FGF12: variants seen among roughly 807,000 people sequenced by gnomAD.
FGF12 encodes the protein fibroblast growth factor 12.
A neutral mutation model predicts 23.6 loss-of-function variants in FGF12; 14 were observed. The ratio of observed to expected loss-of-function variants is 0.59; its 90% CI spans 0.39 to 0.93. The LOEUF (loss-of-function observed/expected upper bound fraction) is 0.93, where lower values mean the gene tolerates loss of function less well. FGF12 is among the 40% of genes least tolerant of loss of function. The pLI is 0.00. For synonymous variants in FGF12, 62 were observed against 77.3 expected (o/e 0.80, Z 1.04); for missense variants, 175 against 217.8 (o/e 0.80, Z 1.24).
intron 2 of FGF12, among the ~76,000 whole-genome samples, chr3:192,551,207 C>G (rs1008309350): frequency 6.6e-6 from 1 of 152,136 alleles, no homozygotes; most frequent in African/African-American, 2.4e-5. Context: ...GCTTTCTACC[C>G]GGGGTCACTT....
chr3:192,178,789 C>A (rs557889018), intron 4 of FGF12, among the ~76,000 whole-genome samples: 5 of 152,304 alleles, frequency 3.3e-5, no homozygotes, highest in African/African-American at 1.2e-4. Flanking sequence ...TAAGCCACTG[C>A]GCCAGGTCTA....
intron 2 of FGF12, among the ~76,000 whole-genome samples, chr3:192,506,556 G>C (rs1724305516): frequency 6.6e-6 from 1 of 152,066 alleles, no homozygotes; most frequent in African/African-American, 2.4e-5. Context: ...ATTTTTAGTA[G>C]AGATGGGGTT....
intron 2 of FGF12, among the ~76,000 whole-genome samples, chr3:192,713,698 G>T (rs766058363): frequency 6.6e-6 from 1 of 152,186 alleles, no homozygotes; most frequent in Non-Finnish European, 1.5e-5. Context: ...ATGGTTATTA[G>T]ATGAAAATCA....
chr3:192,167,692 AG>A (rs1715245853), intron 5 of FGF12, among the ~76,000 whole-genome samples: 1 of 138,578 alleles, frequency 7.2e-6, no homozygotes, highest in Non-Finnish European at 1.5e-5. Context: ...GATTAACCAA[AG>A]TACAGATAGC....
chr3:192,265,635 A>C (rs1713032707), intron 4 of FGF12, among the ~76,000 whole-genome samples: 1 of 152,092 alleles, frequency 6.6e-6, no homozygotes, highest in Non-Finnish European at 1.5e-5. Flanking sequence ...TTCAATATCT[A>C]TAAATGAGTT....
chr3:192,172,690 T>C (rs925358814), intron 4 of FGF12, among the ~76,000 whole-genome samples: 6 of 150,212 alleles, frequency 4.0e-5, no homozygotes, highest in Admixed American at 1.3e-4. Flanking sequence ...ACATTGCTGG[T>C]GGAAATGTAA....
rs747299863 is a variant in FGF12, at chr3:192,298,029, G to A, written c.228+37332C>T. 1.1e-4 allele frequency among the ~76,000 whole-genome samples: 16 copies of A among 152,128 alleles called. 1 individual carries two copies. The highest frequency in any genetic ancestry group is 4.1e-4 in the South Asian group (2 of 4,832). On this transcript the variant is annotated intron_variant, in intron 4 of 5. Transcript: ENST00000445105. ...GCTATTACAATATTAGACCATTAGC[G>A]CTGTGGTGGCAAGCACAAGTTCACT...
At chr3:192,420,830 G>C (rs1576969191) in intron 2 of FGF12, among the ~76,000 whole-genome samples, 1 of 152,058 alleles carries the variant, frequency 6.6e-6, no homozygotes, top group South Asian at 2.1e-4. Flanking sequence ...TTGGCAAAAA[G>C]AAAGAAATAC....
rs144265000 is a variant in FGF12 at position 192,576,926 on chromosome 3, T to A, written c.13+150255A>T. Among the ~76,000 whole-genome samples the A allele has an allele frequency of 4.8e-4, 73 of 152,270 alleles. 1 individual carries two copies. The highest frequency in any genetic ancestry group is 3.7e-3 in the East Asian group (19 of 5,176). ...TTGCAGGGACAGGGGATGAAGCTGG[T>A]AACCATCATTCTTGGCAAACTAACA... On this transcript the variant is annotated intron_variant, in intron 2 of 5. Coordinates refer to ENST00000445105, the MANE Select transcript of FGF12 (RefSeq NM_004113.6).
intron 2 of FGF12, among the ~76,000 whole-genome samples, chr3:192,615,348 T>C (rs777716457): frequency 2.4e-4 from 37 of 152,036 alleles, no homozygotes; most frequent in Admixed American, 1.1e-3. Flanking sequence ...TTAAGATTTC[T>C]CATTATAAAA....
intron 2 of FGF12, among the ~76,000 whole-genome samples, chr3:192,474,836 G>C (rs1311847602): frequency 6.7e-6 from 1 of 148,892 alleles, no homozygotes; most frequent in Non-Finnish European, 1.5e-5. Context: ...AGTAAGCTGA[G>C]ATCGTGCCAT....
In FGF12 at chr3:192,512,859, T is replaced by TATATATAA. The variant is rs376386122; in HGVS notation, c.14-152322_14-152321insTTATATAT. ...AAATATATATATATATATATATATA[T>TATATATAA]AACAGGCTATGTCTATCATTTCCAC... is the stretch of plus-strand genomic sequence containing the variant. On this transcript the variant is annotated intron_variant, in intron 2 of 5. Transcript: ENST00000445105. 9.9e-3 allele frequency among the ~76,000 whole-genome samples: 569 copies of TATATATAA among 57,392 alleles called. 29 individuals carry two copies. Among genetic ancestry groups the TATATATAA allele is most frequent in the Non-Finnish European group, 0.014 (401 of 28,268 alleles). 37.7% of individuals were successfully genotyped at this position (57,392 alleles called of 152,430 possible). A position where few individuals can be genotyped will look rare whatever the true frequency, so the allele number is the denominator to read the frequency against.
At chr3:192,627,851 C>CGTGTGTGTGT (rs1491518275) in intron 2 of FGF12, among the ~76,000 whole-genome samples, 6 of 123,356 alleles carry the variant, frequency 4.9e-5, no homozygotes, top group Non-Finnish European at 5.8e-5. Flanking sequence ...TGTGTGTGTG[C>CGTGTGTGTGT]ATGTGTGTGT....
At chr3:192,149,274 A>G (rs1713903105) in intron 5 of FGF12, among the ~76,000 whole-genome samples, 1 of 152,094 alleles carries the variant, frequency 6.6e-6, no homozygotes, top group Admixed American at 6.6e-5. Context: ...ACTGAATCTC[A>G]CTGAGTGAAC....
intron 2 of FGF12, among the ~76,000 whole-genome samples, chr3:192,564,126 C>T (rs1019720453): frequency 3.9e-5 from 6 of 152,050 alleles, no homozygotes; most frequent in African/African-American, 7.2e-5. Flanking sequence ...TGCAGTGGCG[C>T]GATCTCAGCT....
At chr3:192,184,056 C>T (rs1716324043) in intron 4 of FGF12, among the ~76,000 whole-genome samples, 1 of 152,006 alleles carries the variant, frequency 6.6e-6, no homozygotes, top group African/African-American at 2.4e-5. Context: ...AACTGTGCCT[C>T]TACAAAAACA....
At chr3:192,242,773 A>G in intron 4 of FGF12, among the ~76,000 whole-genome samples, 1 of 152,150 alleles carries the variant, frequency 6.6e-6, no homozygotes, top group East Asian at 1.9e-4. Flanking sequence ...ACACTTGGCC[A>G]TATAATTTAG....
rs546971393 is a variant in FGF12 at position 192,594,619 on chromosome 3, C to T, written c.13+132562G>A. Among the ~76,000 whole-genome samples, 6 of 151,822 alleles carry T rather than the reference C, an allele frequency of 4.0e-5. No homozygotes were observed. In the East Asian group the frequency reaches 1.2e-3, roughly 29 times the overall value. ...GAGGCCTTTGTGAGATAATTAGGATCAGATAAGGTCTGATCCTAAACAGAG... is the reference window on the plus strand; with the variant it reads ...GAGGCCTTTGTGAGATAATTAGGATTAGATAAGGTCTGATCCTAAACAGAG... On this transcript the variant is annotated intron_variant, in intron 2 of 5. Coordinates refer to ENST00000445105, the MANE Select transcript of FGF12 (RefSeq NM_004113.6).
chr3:192,585,536 CT>C (rs1713336098), intron 2 of FGF12, among the ~76,000 whole-genome samples: 1 of 152,022 alleles, frequency 6.6e-6, no homozygotes, highest in Non-Finnish European at 1.5e-5. Flanking sequence ...TTCTAGACAC[CT>C]AACAAGCTGG....
Sources: allele counts gnomAD v4.1 joint callset (sites outside exome capture counted in the v4.1 genomes callset), GRCh38; gene constraint gnomAD v4.1.1; transcripts MANE v1.5; gene names NCBI Gene and HGNC (gene_info 2026-07-23, HGNC 2026-07-21).